The following COPB1 variants were observed in gnomAD, a reference collection of about 807,000 sequenced individuals.
The protein encoded by COPB1 is coat protein complex I subunit beta 1.
In COPB1, 21 loss-of-function variants were observed where a neutral mutation model predicts 108.7. That is an observed-to-expected ratio of 0.19 (90% CI 0.14 to 0.28). COPB1 has a LOEUF of 0.28. Ranked by LOEUF, COPB1 falls within the 10% of genes least tolerant of loss-of-function variation. The pLI is 1.00. For synonymous variants in COPB1, 378 were observed against 386.8 expected, an observed-to-expected ratio of 0.98 and a Z score of 0.27; for missense variants, 919 against 1,141.3, an observed-to-expected ratio of 0.81 and a Z score of 2.81.
intron 16 of COPB1, among the ~76,000 whole-genome samples, chr11:14,466,631 T>C (rs912605675): frequency 6.6e-6 from 1 of 152,200 alleles, no homozygotes; most frequent in African/African-American, 2.4e-5. Flanking sequence ...GTTTAAGACA[T>C]CTATTTGTTT....
Position 14,465,029 on chromosome 11 carries a change from C to A in COPB1, c.2292G>T (p.Gly764=). 1 of 1,608,534 alleles carries A rather than the reference C, an allele frequency of 6.2e-7. No individual in the cohort carries two copies. The highest frequency in any genetic ancestry group is 1.1e-5 in the South Asian group (1 of 90,922). ...ACGGCTTTTCCACAAGTTTCAGATC[C>A]CCTGAAAGAAAGAGTTTGGATATGG... The part of the protein sequence containing the change: ...QNCTLELATL[G]DLKLVEKPSP... Residue 764 remains glycine (G), a splice_region_variant and synonymous_variant, in exon 18 of 22, where the codon GGG becomes GGT. Transcript: ENST00000439561.
chr11:14,484,335 A>G (rs1850723417), intron 7 of COPB1, among the ~76,000 whole-genome samples: 1 of 152,212 alleles, frequency 6.6e-6, no homozygotes, highest in Non-Finnish European at 1.5e-5. Context: ...TTGGTTAATA[A>G]TATTGTTCTG....
At chr11:14,499,033 C>A (rs1162698031) in intron 1 of COPB1, 48 bp from the exon 2 acceptor site, 39 of 748,618 alleles carry the variant, frequency 5.2e-5, no homozygotes, top group South Asian at 9.3e-5. Context: ...AAAAAAAAAA[C>A]CCACAAACAA....
intron 5 of COPB1, among the ~76,000 whole-genome samples, chr11:14,488,883 C>T (rs190777893): frequency 1.3e-5 from 2 of 152,166 alleles, no homozygotes; most frequent in Admixed American, 1.3e-4. Context: ...TCAAAACCAG[C>T]TGCTTAGGTG....
chr11:14,494,912 G>A (rs1006459989), intron 2 of COPB1, among the ~76,000 whole-genome samples: 1 of 152,148 alleles, frequency 6.6e-6, no homozygotes, highest in African/African-American at 2.4e-5. Context: ...AAAGAGAAAC[G>A]TCATACTCAA....
At chr11:14,476,871 A>G (rs773710427) in intron 12 of COPB1, 48 bp downstream of exon 12, 5 of 1,229,020 alleles carry the variant, frequency 4.1e-6, no homozygotes, top group Non-Finnish European at 4.8e-6. Flanking sequence ...AGATTTTCCT[A>G]AAGGAAAAAT....
At position 14,461,067 on chromosome 11, in the gene COPB1, G is replaced by C. The variant is rs566134687; in HGVS notation, c.2556+119C>G. The C allele has an allele frequency of 4.3e-5, 53 of 1,239,884 alleles. 1 individual carries two copies. The South Asian group carries it at 6.9e-4, about 16-fold the overall frequency. The allele number at this position is 1,239,884 out of a possible 1,614,324, so 76.8% of individuals were successfully genotyped here. On this transcript the variant is annotated intron_variant, in intron 19 of 21. Coordinates refer to ENST00000439561, the MANE Select transcript of COPB1 (RefSeq NM_001144061.2). ...TAATTTGCAAGAACAGATACTGAAAGACTATTTGCTTTTCATGTTAAACAC... is the reference window on the plus strand; with the variant it reads ...TAATTTGCAAGAACAGATACTGAAACACTATTTGCTTTTCATGTTAAACAC...
chr11:14,492,038 T>A (rs1186879688), intron 4 of COPB1, among the ~76,000 whole-genome samples: 2 of 152,216 alleles, frequency 1.3e-5, no homozygotes, highest in East Asian at 1.9e-4. Flanking sequence ...TTCATCTATA[T>A]CCTTGCCAAA....
intron 18 of COPB1, among the ~76,000 whole-genome samples, chr11:14,462,662 A>G (rs950704234): frequency 1.3e-5 from 2 of 152,112 alleles, no homozygotes; most frequent in African/African-American, 2.4e-5. Flanking sequence ...TCACTCTCAC[A>G]TCCTTCCCTC....
intron 7 of COPB1, 22 bp downstream of exon 7, chr11:14,486,345 C>A (rs115644730): frequency 9.3e-6 from 15 of 1,612,790 alleles, no homozygotes; most frequent in Non-Finnish European, 1.0e-5. Context: ...TCTAATCTGG[C>A]CCCAAAAGAA....
At chr11:14,490,792 C>CTTT in intron 4 of COPB1, 113 bp from the exon 5 acceptor site, 32 of 491,972 alleles carry the variant, frequency 6.5e-5, no homozygotes, top group South Asian at 8.1e-5. Context: ...CATACTTTTG[C>CTTT]TTTTTTTTTT....
At position 14,484,028 on chromosome 11, in the gene COPB1, C is replaced by T. The variant is rs766830846; in HGVS notation, c.838-877G>A. Among the ~76,000 whole-genome samples the T allele has an allele frequency of 6.0e-4, 91 of 152,170 alleles. 3 individuals are homozygous for T. The highest frequency in any genetic ancestry group is 1.2e-3 in the Admixed American group (19 of 15,276). On this transcript the variant is annotated intron_variant, in intron 7 of 21. Transcript: ENST00000439561. ...TAAGACATACAGACATCATGTACTC[C>T]TTGGTAAGATACACTAAGAAGGACA...
At chr11:14,475,328 CTACT>C (rs1850499455) in intron 13 of COPB1, among the ~76,000 whole-genome samples, 1 of 152,088 alleles carries the variant, frequency 6.6e-6, no homozygotes, top group Non-Finnish European at 1.5e-5. Context: ...ATGAGACAAA[CTACT>C]TAGCACAATG....
chr11:14,472,911 G>A lies in COPB1; in HGVS notation c.1737+1584C>T, dbSNP rs183354117. On this transcript the variant is annotated intron_variant, in intron 14 of 21. Coordinates refer to ENST00000439561, the MANE Select transcript of COPB1 (RefSeq NM_001144061.2). Reference sequence around the variant, plus strand: ...TTGGCTTAAGGGAATCTTGTGGCTGGTTTTATCTTCTATCCAGACCACTCA... The same window carrying A: ...TTGGCTTAAGGGAATCTTGTGGCTGATTTTATCTTCTATCCAGACCACTCA... 3.3e-5 allele frequency among the ~76,000 whole-genome samples: 5 copies of A among 152,282 alleles called. No individual in the cohort carries two copies. The East Asian group carries it at 9.7e-4, about 29-fold the overall frequency.
intron 11 of COPB1, among the ~76,000 whole-genome samples, chr11:14,477,380 A>G (rs1369686663): frequency 7.7e-6 from 1 of 129,660 alleles, no homozygotes; most frequent in Middle Eastern, 5.7e-3. Flanking sequence ...ACAGAGCGAG[A>G]CTCCGTCTCA....
chr11:14,489,415 C>T (rs958278473), intron 5 of COPB1, among the ~76,000 whole-genome samples: 2 of 152,214 alleles, frequency 1.3e-5, no homozygotes, highest in African/African-American at 2.4e-5. Context: ...CAAACAGATA[C>T]GTGTACATCT....
Position 14,474,885 on chromosome 11 carries a change from C to G in COPB1, c.1617-270G>C, listed in dbSNP as rs1850485339. ...CCAAGGCGGGCGGATTACCTGAGGT[C>G]AGGAGTTCGAGGACAGCCTGGCCAA... On this transcript the variant is annotated intron_variant, in intron 13 of 21. Coordinates refer to ENST00000439561, the MANE Select transcript of COPB1 (RefSeq NM_001144061.2). Among the ~76,000 whole-genome samples, 3 of 152,090 alleles carry G rather than the reference C, an allele frequency of 2.0e-5. No homozygotes were observed. The South Asian group carries it at 6.2e-4, about 32-fold the overall frequency.
intron 18 of COPB1, 89 bp downstream of exon 18, chr11:14,464,822 C>T (rs1045789394): frequency 2.2e-6 from 3 of 1,363,158 alleles, no homozygotes; most frequent in African/African-American, 2.9e-5. Context: ...GATTTAGATC[C>T]TCTCCTCATA....
chr11:14,487,176 T>G (rs917600160), intron 6 of COPB1, among the ~76,000 whole-genome samples: 1 of 152,238 alleles, frequency 6.6e-6, no homozygotes, highest in African/African-American at 2.4e-5. Flanking sequence ...TTTACTTGTA[T>G]AGTAAATATC....
Sources: allele counts gnomAD v4.1 joint callset (sites outside exome capture counted in the v4.1 genomes callset), GRCh38; gene constraint gnomAD v4.1.1; transcripts MANE v1.5; gene names NCBI Gene and HGNC (gene_info 2026-07-23, HGNC 2026-07-21).